LAMC1: variants seen among roughly 807,000 people sequenced by gnomAD.
LAMC1 encodes laminin subunit gamma 1.
LAMC1 carries 38 observed loss-of-function variants against 173.6 expected under a neutral mutation model. The ratio of observed to expected loss-of-function variants is 0.22; its 90% confidence interval spans 0.17 to 0.29. LAMC1 has a LOEUF of 0.29. Among genes scored for constraint, LAMC1 ranks in the 10% least tolerant of loss-of-function variants. The pLI, the probability that LAMC1 is intolerant of heterozygous loss-of-function variation, is 1.00. For missense variants in LAMC1, 1,824 were observed against 2,051.8 expected (o/e 0.89, Z 2.14); for synonymous variants, 746 against 749.1 (o/e 1.00, Z 0.07).
intron 1 of LAMC1, among the ~76,000 whole-genome samples, chr1:183,054,258 T>C (rs1444618890): frequency 2.0e-5 from 3 of 152,224 alleles, no homozygotes; most frequent in Admixed American, 6.5e-5. Context: ...CACAACCCAG[T>C]GCGGATGGAG....
At position 183,134,710 on chromosome 1, in the gene LAMC1, T is replaced by C; in HGVS notation, c.3900T>C (p.Ile1300=). 1 of 1,612,978 alleles carries C rather than the reference T, an allele frequency of 6.2e-7. No homozygotes were observed. The highest frequency in any genetic ancestry group is 8.5e-7 in the Non-Finnish European group (1 of 1,179,202). Residue 1300 remains isoleucine, a synonymous_variant, in exon 23 of 28, where the codon ATT becomes ATC. Transcript: ENST00000258341. ...AAGCTGAGAATCTGGAACAACTGAT[T>C]GACCAGAAATTAAAAGATTATGAGG... is the stretch of plus-strand genomic sequence containing the variant. ...KMEAENLEQL[I]DQKLKDYEDL...
intron 1 of LAMC1, among the ~76,000 whole-genome samples, chr1:183,097,376 G>C (rs975905914): frequency 7.9e-5 from 12 of 152,152 alleles, no homozygotes; most frequent in Non-Finnish European, 5.9e-5. Context: ...TAACACATAA[G>C]AGCCAGTAGT....
intron 20 of LAMC1, 52 bp downstream of exon 20, chr1:183,131,430 T>A (rs889967397): frequency 1.6e-6 from 1 of 621,094 alleles, no homozygotes; most frequent in African/African-American, 1.9e-5. Context: ...TGTTATGGGG[T>A]GTGTGTGTGT....
chr1:183,051,338 G>A (rs900876890), intron 1 of LAMC1, among the ~76,000 whole-genome samples: 10 of 152,136 alleles, frequency 6.6e-5, no homozygotes, highest in Non-Finnish European at 1.2e-4. Context: ...TATTTGACAG[G>A]ACATGAGCAG....
At chr1:183,058,209 G>A (rs1654647910) in intron 1 of LAMC1, among the ~76,000 whole-genome samples, 2 of 152,294 alleles carry the variant, frequency 1.3e-5, no homozygotes, top group East Asian at 3.9e-4. Context: ...TTTATCTTAA[G>A]CCTGCTGACT....
intron 1 of LAMC1, among the ~76,000 whole-genome samples, chr1:183,038,855 TC>T (rs1293455565): frequency 1.3e-5 from 2 of 152,126 alleles, no homozygotes; most frequent in Non-Finnish European, 2.9e-5. Context: ...CACAGAGACA[TC>T]CGTGGACTCT....
At chr1:183,044,458 G>C (rs1376589584) in intron 1 of LAMC1, among the ~76,000 whole-genome samples, 1 of 152,052 alleles carries the variant, frequency 6.6e-6, no homozygotes, top group Non-Finnish European at 1.5e-5. Flanking sequence ...CATTAGGTCA[G>C]TAACTTAGAG....
At chr1:183,045,507 G>T (rs1654245309) in intron 1 of LAMC1, among the ~76,000 whole-genome samples, 1 of 151,958 alleles carries the variant, frequency 6.6e-6, no homozygotes, top group African/African-American at 2.4e-5. Context: ...GTATATTTTT[G>T]AAGTGTAGCT....
rs190136877 is a variant in LAMC1 at position 183,062,450 on chromosome 1, C to G, written c.418+38316C>G. Among the ~76,000 whole-genome samples, 553 of 152,142 alleles carry G rather than the reference C, an allele frequency of 3.6e-3. 1 individual carries two copies. The highest frequency in any genetic ancestry group is 0.013 in the African/African-American group (540 of 41,492). On this transcript the variant is annotated intron_variant, in intron 1 of 27. Transcript: ENST00000258341. ...CATGGATCACCTAAGGTCAGGAGTT[C>G]GAGACCACCTGGCCAACATGGCAAA...
chr1:183,056,875 G>A (rs564685096), intron 1 of LAMC1, among the ~76,000 whole-genome samples: 1 of 152,070 alleles, frequency 6.6e-6, no homozygotes, highest in Non-Finnish European at 1.5e-5. Flanking sequence ...GCTGCTTCTG[G>A]GTTTGTACTC....
intron 20 of LAMC1, among the ~76,000 whole-genome samples, chr1:183,132,103 A>G (rs760119562): frequency 3.3e-5 from 5 of 152,242 alleles, no homozygotes; most frequent in Non-Finnish European, 7.3e-5. Flanking sequence ...GTTTGAGACC[A>G]GCCTGGCCAA....
chr1:183,050,033 C>T (rs923359149), intron 1 of LAMC1, among the ~76,000 whole-genome samples: 6 of 152,164 alleles, frequency 3.9e-5, no homozygotes, highest in Admixed American at 3.3e-4. Flanking sequence ...CTAAAGATGT[C>T]GTTCCCACTC....
At chr1:183,116,469 T>A (rs1571450922) in intron 6 of LAMC1, 108 bp from the exon 7 acceptor site, 2 of 677,890 alleles carry the variant, frequency 3.0e-6, no homozygotes, top group East Asian at 5.5e-5. Flanking sequence ...AGTGTGAGAC[T>A]CTGTCTCAAA....
intron 26 of LAMC1, 138 bp from the exon 27 acceptor site, chr1:183,140,264 AAG>A: frequency 4.2e-5 from 19 of 447,534 alleles, no homozygotes; most frequent in South Asian, 1.4e-4. Flanking sequence ...AAAAAAAAAA[AAG>A]CAATGAGAGG....
intron 16 of LAMC1, 38 bp downstream of exon 16, chr1:183,126,300 C>G: frequency 6.2e-7 from 1 of 1,602,046 alleles, no homozygotes; most frequent in African/African-American, 1.3e-5. Flanking sequence ...TAAGCTTCCA[C>G]TAATTCCAGT....
chr1:183,143,406 C>A lies in LAMC1; in HGVS notation c.*616C>A, dbSNP rs1195767229. 1 of 152,526 alleles carries A rather than the reference C, an allele frequency of 6.6e-6. No individual in the cohort carries two copies. Among genetic ancestry groups the A allele is most frequent in the African/African-American group, 2.4e-5 (1 of 41,376 alleles). The allele number at this position is 152,526 out of a possible 1,614,324, so 9.4% of individuals were successfully genotyped here. ...GTAGGACACTGAGCCATCCGTGGGT[C>A]AGGATGCAATTATTTATAAAAGTCT... is the stretch of plus-strand genomic sequence containing the variant. On this transcript the variant is annotated 3_prime_UTR_variant, in exon 28 of 28. Transcript: ENST00000258341.
chr1:183,121,514 G>C (rs1163456549), intron 11 of LAMC1, among the ~76,000 whole-genome samples: 1 of 151,502 alleles, frequency 6.6e-6, no homozygotes, highest in Non-Finnish European at 1.5e-5. Flanking sequence ...TTAGCACTCA[G>C]TACCACATGA....
intron 1 of LAMC1, among the ~76,000 whole-genome samples, chr1:183,100,973 C>T (rs926849357): frequency 1.3e-5 from 2 of 152,190 alleles, no homozygotes; most frequent in Non-Finnish European, 2.9e-5. Context: ...CATTTTGCTA[C>T]TTGTGGCTCT....
chr1:183,060,609 G>A (rs2102031432), intron 1 of LAMC1, among the ~76,000 whole-genome samples: 1 of 152,232 alleles, frequency 6.6e-6, no homozygotes, highest in African/African-American at 2.4e-5. Flanking sequence ...GTGTCCTAAC[G>A]ATTTGTTTAC....
Sources: gnomAD v4.1 joint callset for allele counts (sites outside exome capture counted in the v4.1 genomes callset) on GRCh38, gnomAD v4.1.1 for gene constraint, MANE v1.5 for transcripts, NCBI Gene and HGNC (gene_info 2026-07-23, HGNC 2026-07-21) for gene names.